The following CDH18 variants were observed in gnomAD, a reference collection of about 807,000 sequenced individuals.
CDH18 encodes the protein cadherin 18.
A neutral mutation model predicts 67.9 loss-of-function variants in CDH18; 31 were observed. That is an observed-to-expected ratio of 0.46 (90% CI 0.34 to 0.62). The LOEUF (loss-of-function observed/expected upper bound fraction) is 0.62. Ranked by LOEUF, CDH18 falls within the 20% of genes least tolerant of loss-of-function variation. The pLI is 0.01. For missense variants in CDH18, 890 were observed against 975.5 expected (o/e 0.91, Z 1.17); for synonymous variants, 362 against 347.2 (o/e 1.04, Z -0.48).
At chr5:19,580,787 G>A (rs1226362947) in intron 7 of CDH18, among the ~76,000 whole-genome samples, 1 of 151,970 alleles carries the variant, frequency 6.6e-6, no homozygotes, top group East Asian at 1.9e-4. Context: ...GGCAGAGGAA[G>A]TGTATAAGCT....
intron 2 of CDH18, among the ~76,000 whole-genome samples, chr5:19,964,766 T>C (rs1189756801): frequency 2.0e-5 from 3 of 151,922 alleles, no homozygotes; most frequent in African/African-American, 7.3e-5. Flanking sequence ...AATTCCGTTA[T>C]AGAAATTAAA....
chr5:19,552,175 C>T (rs1737571474), intron 8 of CDH18, among the ~76,000 whole-genome samples: 1 of 152,038 alleles, frequency 6.6e-6, no homozygotes, highest in South Asian at 2.1e-4. Flanking sequence ...ATATGGATTT[C>T]TAATACTATG....
rs569441719 is a variant in CDH18 at position 20,324,569 on chromosome 5, G to T, written c.-579-69064C>A. 5.3e-5 allele frequency among the ~76,000 whole-genome samples: 8 copies of T among 151,704 alleles called. No homozygotes were observed. In the South Asian group the frequency reaches 1.7e-3, roughly 32 times the overall value. ...CAAAACAAAACAAAACATTTGTAGG[G>T]GGAAATATTGTGTCAGACTTCTAAA... On this transcript the variant is annotated intron_variant, in intron 1 of 14. Transcript: ENST00000507958.
intron 1 of CDH18, among the ~76,000 whole-genome samples, chr5:20,514,114 ACTG>A (rs941053657): frequency 3.7e-4 from 57 of 152,246 alleles, no homozygotes; most frequent in African/African-American, 1.2e-3. Flanking sequence ...ATTATTCTCT[ACTG>A]TTTTTAATCT....
At chr5:20,440,077 G>A (rs1749497782) in intron 1 of CDH18, among the ~76,000 whole-genome samples, 1 of 151,744 alleles carries the variant, frequency 6.6e-6, no homozygotes, top group Non-Finnish European at 1.5e-5. Context: ...CTATGAAAAT[G>A]AGTAAATCAT....
chr5:20,482,153 G>A (rs1752854567), intron 1 of CDH18, among the ~76,000 whole-genome samples: 1 of 151,840 alleles, frequency 6.6e-6, no homozygotes, highest in African/African-American at 2.4e-5. Context: ...AGACTGCTAT[G>A]AACAGCTCTA....
intron 2 of CDH18, among the ~76,000 whole-genome samples, chr5:19,961,098 T>C (rs1056421745): frequency 1.4e-4 from 19 of 131,200 alleles, no homozygotes; most frequent in Admixed American, 2.4e-4. Flanking sequence ...AACTACATTA[T>C]AATTTTTTTT....
At chr5:20,404,929 C>T (rs972170612) in intron 1 of CDH18, among the ~76,000 whole-genome samples, 5 of 152,072 alleles carry the variant, frequency 3.3e-5, no homozygotes, top group East Asian at 1.9e-4. Flanking sequence ...CTGCTGCACA[C>T]GGAAGTATAT....
In CDH18 at chr5:19,629,353, A is replaced by T. The variant is rs183084222; in HGVS notation, c.644-16752T>A. 1.4e-4 allele frequency among the ~76,000 whole-genome samples: 22 copies of T among 152,238 alleles called. No homozygotes were observed. The East Asian group carries it at 4.1e-3, about 28-fold the overall frequency. On this transcript the variant is annotated intron_variant, in intron 5 of 12. Coordinates refer to ENST00000382275, the MANE Select transcript of CDH18 (RefSeq NM_004934.5). ...AGGTATCTATGTGAAAGTCTGATGGAAAGTTGAACACCTGACACTCTACAG... is the reference window on the plus strand; with the variant it reads ...AGGTATCTATGTGAAAGTCTGATGGTAAGTTGAACACCTGACACTCTACAG...
chr5:20,148,695 T>TCA (rs768117236), intron 2 of CDH18, among the ~76,000 whole-genome samples: 5 of 152,104 alleles, frequency 3.3e-5, no homozygotes, highest in Admixed American at 6.6e-5. Context: ...TAGAAGTGGG[T>TCA]CTTGGTCTAA....
intron 2 of CDH18, among the ~76,000 whole-genome samples, chr5:20,175,620 A>C (rs1462924528): frequency 6.6e-6 from 1 of 152,122 alleles, no homozygotes; most frequent in Non-Finnish European, 1.5e-5. Context: ...TATTAGTAAG[A>C]GTTCTCTAAA....
chr5:20,120,915 C>A (rs916607690), intron 2 of CDH18, among the ~76,000 whole-genome samples: 4 of 152,050 alleles, frequency 2.6e-5, no homozygotes, highest in African/African-American at 7.2e-5. Flanking sequence ...ATTCTTATAG[C>A]AAATTTAGAT....
At chr5:20,181,679 A>G (rs1015553977) in intron 2 of CDH18, among the ~76,000 whole-genome samples, 6 of 152,136 alleles carry the variant, frequency 3.9e-5, no homozygotes, top group African/African-American at 1.4e-4. Flanking sequence ...GAACAACACC[A>G]ATAATAATAA....
At chr5:20,443,415 T>C (rs1749779588) in intron 1 of CDH18, among the ~76,000 whole-genome samples, 2 of 151,712 alleles carry the variant, frequency 1.3e-5, no homozygotes, top group African/African-American at 2.4e-5. Flanking sequence ...ATATTGGTCA[T>C]TGCATGCTCC....
chr5:19,823,374 C>T (rs938327925), intron 3 of CDH18, among the ~76,000 whole-genome samples: 1 of 152,078 alleles, frequency 6.6e-6, no homozygotes, highest in East Asian at 1.9e-4. Context: ...TCAGAGATTG[C>T]AGTAAAGACA....
chr5:20,445,295 A>C (rs2150197537), intron 1 of CDH18, among the ~76,000 whole-genome samples: 1 of 152,308 alleles, frequency 6.6e-6, no homozygotes, highest in Admixed American at 6.5e-5. Flanking sequence ...AACACTGCAG[A>C]TTAGAAAAAG....
intron 2 of CDH18, among the ~76,000 whole-genome samples, chr5:19,897,823 T>G (rs897479335): frequency 6.6e-6 from 1 of 152,116 alleles, no homozygotes; most frequent in African/African-American, 2.4e-5. Flanking sequence ...ACTATTTATT[T>G]GAAATTCAAA....
intron 11 of CDH18, 123 bp from the exon 12 acceptor site, chr5:19,483,675 G>A (rs1739880935): frequency 2.1e-6 from 2 of 954,822 alleles, no homozygotes; most frequent in South Asian, 3.9e-5. Flanking sequence ...AATGGACAAG[G>A]GAACACGAAG....
intron 2 of CDH18, among the ~76,000 whole-genome samples, chr5:20,046,029 C>T (rs1174096495): frequency 1.3e-5 from 2 of 152,018 alleles, no homozygotes; most frequent in African/African-American, 2.4e-5. Flanking sequence ...TAAAGGTTCA[C>T]TCTGGCTACT....
Sources: allele counts gnomAD v4.1 joint callset (sites outside exome capture counted in the v4.1 genomes callset), GRCh38; gene constraint gnomAD v4.1.1; transcripts MANE v1.5; gene names NCBI Gene and HGNC (gene_info 2026-07-23, HGNC 2026-07-21).